Variants in MSRA observed in about 807,000 individuals in gnomAD.
The protein encoded by MSRA is mitochondrial peptide methionine sulfoxide reductase.
Under a neutral mutation model 31.3 loss-of-function variants are expected in MSRA, and 54 were observed. The ratio of observed to expected loss-of-function variants is 1.73; its 90% CI spans 1.39 to 2.17. The LOEUF is 2.17. Ranked by LOEUF, MSRA falls within the 30% of genes most tolerant of loss-of-function variation. MSRA has a pLI of 0.00. For missense variants in MSRA, 507 were observed against 300.9 expected, an observed-to-expected ratio of 1.69 and a Z score of -5.07; for synonymous variants, 169 against 116.5, an observed-to-expected ratio of 1.45 and a Z score of -2.90.
intron 1 of MSRA, among the ~76,000 whole-genome samples, chr8:10,162,884 G>A (rs1804784922): frequency 6.6e-6 from 1 of 152,166 alleles, no homozygotes. Context: ...CGACAGTCGT[G>A]TGTAAAGGTG....
At chr8:10,231,551 A>C (rs1272394250) in intron 2 of MSRA, among the ~76,000 whole-genome samples, 2 of 152,204 alleles carry the variant, frequency 1.3e-5, no homozygotes, top group Non-Finnish European at 2.9e-5. Flanking sequence ...ATCTCGATTT[A>C]AGTCATTCTC....
chr8:10,121,095 GAC>G (rs1344026592), intron 1 of MSRA, among the ~76,000 whole-genome samples: 53 of 152,322 alleles, frequency 3.5e-4, no homozygotes, highest in Non-Finnish European at 1.5e-5. Context: ...GTACAGATAA[GAC>G]AGCTCCTCAT....
intron 1 of MSRA, among the ~76,000 whole-genome samples, chr8:10,172,517 C>T (rs1015327888): frequency 1.3e-5 from 2 of 151,990 alleles, no homozygotes; most frequent in Non-Finnish European, 2.9e-5. Flanking sequence ...AGAGTATTAG[C>T]GTAGGGGCGG....
At chr8:10,063,338 T>C (rs566091605) in intron 1 of MSRA, among the ~76,000 whole-genome samples, 6 of 152,322 alleles carry the variant, frequency 3.9e-5, no homozygotes, top group Non-Finnish European at 7.3e-5. Context: ...TACCTAAAAT[T>C]TGAATTTCAT....
intron 1 of MSRA, among the ~76,000 whole-genome samples, chr8:10,056,924 C>T (rs867390549): frequency 6.6e-6 from 1 of 152,082 alleles, no homozygotes; most frequent in Non-Finnish European, 1.5e-5. Flanking sequence ...TTCTTTAGTG[C>T]GTTTAGATAA....
chr8:10,260,482 C>T (rs140150324), intron 3 of MSRA, among the ~76,000 whole-genome samples: 31 of 152,274 alleles, frequency 2.0e-4, no homozygotes, highest in East Asian at 1.7e-3. Context: ...CGAGGCAGCA[C>T]GCAGAGTTGA....
chr8:10,322,792 T>A (rs565346965), intron 5 of MSRA, among the ~76,000 whole-genome samples: 1 of 152,140 alleles, frequency 6.6e-6, no homozygotes, highest in Admixed American at 6.5e-5. Flanking sequence ...GGAAAAGTAA[T>A]GAGATAAAAG....
intron 5 of MSRA, among the ~76,000 whole-genome samples, chr8:10,338,420 C>G (rs1022864725): frequency 6.6e-6 from 1 of 152,086 alleles, no homozygotes; most frequent in Non-Finnish European, 1.5e-5. Flanking sequence ...GGTTTGAGAT[C>G]TGTTGCACAG....
intron 5 of MSRA, among the ~76,000 whole-genome samples, chr8:10,324,653 C>A (rs796112851): frequency 2.6e-5 from 4 of 152,256 alleles, no homozygotes; most frequent in African/African-American, 9.6e-5. Context: ...TTAGCTTAGC[C>A]TGGGTCCCAC....
chr8:10,160,066 T>A (rs970390836), intron 1 of MSRA, among the ~76,000 whole-genome samples: 1 of 152,246 alleles, frequency 6.6e-6, no homozygotes, highest in Non-Finnish European at 1.5e-5. Context: ...TTTCTTCTTT[T>A]CATTTTTTAC....
intron 5 of MSRA, among the ~76,000 whole-genome samples, chr8:10,394,794 T>C (rs1022796864): frequency 5.3e-5 from 8 of 152,046 alleles, no homozygotes; most frequent in African/African-American, 1.9e-4. Context: ...TGGGAAGGAG[T>C]TGGCTTGTCC....
intron 1 of MSRA, among the ~76,000 whole-genome samples, chr8:10,079,357 G>A (rs1798165613): frequency 6.6e-6 from 1 of 152,100 alleles, no homozygotes; most frequent in Non-Finnish European, 1.5e-5. Context: ...GTTTCGCCAT[G>A]TTGCCCAGGC....
At chr8:10,128,130 C>A (rs1801633549) in intron 1 of MSRA, among the ~76,000 whole-genome samples, 1 of 152,122 alleles carries the variant, frequency 6.6e-6, no homozygotes, top group African/African-American at 2.4e-5. Context: ...GTAATCCCAG[C>A]ACTTTGGGAG....
At chr8:10,402,628 G>C (rs1363317827) in intron 5 of MSRA, among the ~76,000 whole-genome samples, 2 of 152,212 alleles carry the variant, frequency 1.3e-5, no homozygotes, top group Admixed American at 1.3e-4. Context: ...GATAGGGAGA[G>C]GTGAAGGAGT....
intron 5 of MSRA, among the ~76,000 whole-genome samples, chr8:10,333,060 A>ACAG (rs767033484): frequency 1.1e-4 from 16 of 143,312 alleles, no homozygotes; most frequent in Non-Finnish European, 6.0e-5. Flanking sequence ...ATGGTGGAAG[A>ACAG]CAGCATTCTT....
rs1035028379 is a variant in MSRA, at chr8:10,328,480, C to A, written c.543+8491C>A. Among the ~76,000 whole-genome samples the A allele has an allele frequency of 2.4e-4, 36 of 152,098 alleles. 1 individual carries two copies. Among genetic ancestry groups the A allele is most frequent in the African/African-American group, 8.5e-4 (35 of 41,390 alleles). ...GCCACCATTATCTGTTCCTGGACAA[C>A]TGAACTTCTTACCTCTCCATGATTA... On this transcript the variant is annotated intron_variant, in intron 5 of 5. Transcript: ENST00000317173.
At chr8:10,154,530 A>G (rs1390348438) in intron 1 of MSRA, among the ~76,000 whole-genome samples, 1 of 152,034 alleles carries the variant, frequency 6.6e-6, no homozygotes, top group Non-Finnish European at 1.5e-5. Flanking sequence ...GGCACCCGCC[A>G]CCACGCCCAA....
intron 1 of MSRA, among the ~76,000 whole-genome samples, chr8:10,188,467 T>C (rs1267477543): frequency 1.3e-5 from 2 of 152,216 alleles, no homozygotes; most frequent in African/African-American, 2.4e-5. Flanking sequence ...TAGTTTTCAG[T>C]TGATTTCCAC....
chr8:10,145,815 C>T (rs1363138322), intron 1 of MSRA, among the ~76,000 whole-genome samples: 1 of 152,050 alleles, frequency 6.6e-6, no homozygotes, highest in African/African-American at 2.4e-5. Context: ...TGTACATACA[C>T]CCGCATCTGC....
Sources: allele counts gnomAD v4.1 joint callset (sites outside exome capture counted in the v4.1 genomes callset), GRCh38; gene constraint gnomAD v4.1.1; transcripts MANE v1.5; gene names NCBI Gene and HGNC (gene_info 2026-07-23, HGNC 2026-07-21).